Variants in MAP2K5 observed in about 807,000 individuals in gnomAD.
MAP2K5 encodes the protein mitogen-activated protein kinase kinase 5, also known as dual specificity mitogen-activated protein kinase kinase 5.
MAP2K5 carries 49 observed loss-of-function variants against 83.1 expected under a neutral mutation model. That is an observed-to-expected ratio of 0.59 (90% CI 0.47 to 0.75). MAP2K5 has a LOEUF of 0.75. Ranked by LOEUF, MAP2K5 falls within the 30% of genes least tolerant of loss-of-function variation. The probability of loss-of-function intolerance (pLI) is 0.00; values close to 1 mark genes in which losing one functional copy is unlikely to be tolerated. For synonymous variants in MAP2K5, 202 were observed against 191.8 expected (o/e 1.05, Z -0.44); for missense variants, 457 against 557.5 (o/e 0.82, Z 1.82).
chr15:67,579,482 T>G (rs186134592), intron 3 of MAP2K5, among the ~76,000 whole-genome samples: 2 of 152,332 alleles, frequency 1.3e-5, no homozygotes, highest in Admixed American at 1.3e-4. Context: ...CACATGTTTA[T>G]GCCGTATGTA....
At chr15:67,687,313 T>A (rs571683289) in intron 13 of MAP2K5, among the ~76,000 whole-genome samples, 14 of 152,350 alleles carry the variant, frequency 9.2e-5, no homozygotes, top group Middle Eastern at 3.4e-3. Context: ...CTGTATTTTT[T>A]AAATATGCAC....
intron 14 of MAP2K5, among the ~76,000 whole-genome samples, chr15:67,693,259 G>T (rs778948185): frequency 3.3e-5 from 5 of 152,224 alleles, no homozygotes; most frequent in Admixed American, 2.6e-4. Context: ...ATACTAAAGC[G>T]ATAAGTATCC....
chr15:67,693,173 C>A (rs2288098), intron 14 of MAP2K5, among the ~76,000 whole-genome samples: 124,546 of 152,170 alleles, frequency 0.82, 51,144 homozygotes, highest in Admixed American at 0.88. Context: ...TCATTCACAT[C>A]TTGAGCCATC....
At chr15:67,610,713 C>T (rs1025069345) in intron 8 of MAP2K5, among the ~76,000 whole-genome samples, 1 of 152,042 alleles carries the variant, frequency 6.6e-6, no homozygotes, top group Non-Finnish European at 1.5e-5. Context: ...CTGATTTGTA[C>T]ACTAACGTTG....
chr15:67,643,926 A>G (rs562908173), intron 9 of MAP2K5, among the ~76,000 whole-genome samples: 4 of 152,288 alleles, frequency 2.6e-5, no homozygotes, highest in Non-Finnish European at 4.4e-5. Flanking sequence ...ATGATTGTAT[A>G]TATATTCTTC....
At chr15:67,588,793 A>G (rs948317081) in intron 6 of MAP2K5, among the ~76,000 whole-genome samples, 2 of 152,174 alleles carry the variant, frequency 1.3e-5, no homozygotes, top group African/African-American at 4.8e-5. Context: ...CAGTTGTAAC[A>G]CATTTAAATT....
chr15:67,743,996 G>A (rs1458501477), intron 17 of MAP2K5, among the ~76,000 whole-genome samples: 3 of 152,190 alleles, frequency 2.0e-5, no homozygotes, highest in African/African-American at 4.8e-5. Context: ...TAACCCAGCC[G>A]TCAGGGTCAG....
At chr15:67,623,576 A>G (rs569012567) in intron 8 of MAP2K5, among the ~76,000 whole-genome samples, 2 of 146,862 alleles carry the variant, frequency 1.4e-5, no homozygotes, top group East Asian at 2.0e-4. Context: ...TCACTCAGCC[A>G]GTTTGAAAAC....
chr15:67,692,427 A>C, intron 13 of MAP2K5, 52 bp from the exon 14 acceptor site: 1 of 1,307,412 alleles, frequency 7.6e-7, no homozygotes, highest in Non-Finnish European at 1.1e-6. Context: ...TAAAGAACAA[A>C]CGCTGTAGAT....
At chr15:67,661,016 C>G (rs574168357) in intron 12 of MAP2K5, among the ~76,000 whole-genome samples, 1 of 118,924 alleles carries the variant, frequency 8.4e-6, no homozygotes. Flanking sequence ...CCCAAATTAA[C>G]TTTATTTTCC....
Position 67,559,224 on chromosome 15 carries a change from G to A in MAP2K5, c.185-4059G>A, listed in dbSNP as rs892681114. ...TTGCCACCTGGCACAGAAGGAGTGT[G>A]ACAAATGACATATAATATATTGCCT... On this transcript the variant is annotated intron_variant, in intron 2 of 21. Transcript: ENST00000178640. This position sits in a 1 kb window ranked among gnomAD's most constrained non-coding sequence, Gnocchi z 4.7. Among the ~76,000 whole-genome samples the A allele has an allele frequency of 2.6e-5, 4 of 152,182 alleles. No individual in the cohort carries two copies. Among genetic ancestry groups the A allele is most frequent in the African/African-American group, 9.6e-5 (4 of 41,452 alleles).
At chr15:67,789,540 A>G (rs935221594) in intron 21 of MAP2K5, among the ~76,000 whole-genome samples, 3 of 152,042 alleles carry the variant, frequency 2.0e-5, no homozygotes, top group Admixed American at 2.0e-4. Context: ...ATGGTGAAAC[A>G]CTGTCTCTAC....
At chr15:67,796,512 A>C in intron 21 of MAP2K5, among the ~76,000 whole-genome samples, 1 of 152,146 alleles carries the variant, frequency 6.6e-6, no homozygotes, top group East Asian at 1.9e-4. Context: ...CACACTTTTA[A>C]AGGATCAGAT....
intron 3 of MAP2K5, among the ~76,000 whole-genome samples, chr15:67,568,941 G>T (rs2084895724): frequency 6.8e-6 from 1 of 147,278 alleles, no homozygotes; most frequent in Admixed American, 6.9e-5. Context: ...GGGAGGCAGA[G>T]GTTGCAGTCA....
At chr15:67,660,588 C>T (rs190381868) in intron 12 of MAP2K5, among the ~76,000 whole-genome samples, 47 of 152,256 alleles carry the variant, frequency 3.1e-4, no homozygotes, top group Non-Finnish European at 4.7e-4. Context: ...AAGTCAAAAG[C>T]AACAGAATCA....
rs116821207 is a variant in MAP2K5, at chr15:67,692,438, A to T, written c.848-41A>T. ...CTTTTAAAGAACAAACGCTGTAGATACATGGAATTAGTTACATGGCCTTTT... is the reference window on the plus strand; with the variant it reads ...CTTTTAAAGAACAAACGCTGTAGATTCATGGAATTAGTTACATGGCCTTTT... On this transcript the variant is annotated intron_variant, in intron 13 of 21. Coordinates refer to ENST00000178640, the MANE Select transcript of MAP2K5 (RefSeq NM_145160.3). The T allele has an allele frequency of 1.1e-3, 1,510 of 1,401,906 alleles. 22 individuals carry two copies. In the African/African-American group the frequency reaches 0.019, roughly 18 times the overall value. The allele number at this position is 1,401,906 out of a possible 1,614,324, so 86.8% of individuals were successfully genotyped here. A position where few individuals can be genotyped will look rare whatever the true frequency, so the allele number is the denominator to read the frequency against.
At chr15:67,633,828 A>G (rs1270041036) in intron 9 of MAP2K5, among the ~76,000 whole-genome samples, 1 of 152,246 alleles carries the variant, frequency 6.6e-6, no homozygotes, top group African/African-American at 2.4e-5. Flanking sequence ...TGTAACTTGT[A>G]TAATAGTCAT....
Position 67,783,191 on chromosome 15 carries a change from A to G in MAP2K5, c.1242+10439A>G, listed in dbSNP as rs979655808. ...TCCTGCCTGACACCGAGGAGGCAGC[A>G]TGTCAGCCCCAAGTCCTGACCCCCC... is the stretch of plus-strand genomic sequence containing the variant. On this transcript the variant is annotated intron_variant, in intron 21 of 21. Coordinates refer to ENST00000178640, the MANE Select transcript of MAP2K5 (RefSeq NM_145160.3). This position sits in a 1 kb window ranked among gnomAD's most constrained non-coding sequence, Gnocchi z 5.1. Among the ~76,000 whole-genome samples, 9 of 152,220 alleles carry G rather than the reference A, an allele frequency of 5.9e-5. No homozygotes were observed. Among genetic ancestry groups the G allele is most frequent in the African/African-American group, 2.2e-4 (9 of 41,454 alleles).
rs1395614085 is a variant in MAP2K5, at chr15:67,636,238, T to A, written c.585+5311T>A. On this transcript the variant is annotated intron_variant, in intron 9 of 21. Coordinates refer to ENST00000178640, the MANE Select transcript of MAP2K5 (RefSeq NM_145160.3). The surrounding 1 kb of genome is among the most constrained non-coding windows in gnomAD (Gnocchi z 4.7). ...CCATCCTAACACGGTGAAACCCCATTTCTACTAAAAATACAAAAAATTAGC... is the reference window on the plus strand; with the variant it reads ...CCATCCTAACACGGTGAAACCCCATATCTACTAAAAATACAAAAAATTAGC... Among the ~76,000 whole-genome samples, 1 of 151,990 alleles carries A rather than the reference T, an allele frequency of 6.6e-6. No individual in the cohort carries two copies. Among genetic ancestry groups the A allele is most frequent in the Non-Finnish European group, 1.5e-5 (1 of 67,988 alleles).
Sources: allele counts gnomAD v4.1 joint callset (sites outside exome capture counted in the v4.1 genomes callset), GRCh38; gene constraint gnomAD v4.1.1; non-coding constraint Gnocchi (gnomAD v3.1); transcripts MANE v1.5; gene names NCBI Gene and HGNC (gene_info 2026-07-23, HGNC 2026-07-21).